The following BPIFC variants were observed in gnomAD, a reference collection of about 807,000 sequenced individuals.
BPIFC encodes BPI fold-containing family C protein.
Under a neutral mutation model 57.6 loss-of-function variants are expected in BPIFC, and 60 were observed. That is an observed-to-expected ratio of 1.04 (90% CI 0.85 to 1.29). The LOEUF is 1.29. Among genes scored for constraint, BPIFC ranks in the 50% most tolerant of loss-of-function variants. The pLI, the probability that BPIFC is intolerant of heterozygous loss-of-function variation, is 0.00. For synonymous variants in BPIFC, 243 were observed against 224.5 expected (o/e 1.08, Z -0.74); for missense variants, 581 against 600.5 (o/e 0.97, Z 0.34).
At chr22:32,431,307 A>T (rs1236819384) in intron 13 of BPIFC, 40 bp downstream of exon 13, 1 of 1,528,544 alleles carries the variant, frequency 6.5e-7, no homozygotes, top group Non-Finnish European at 9.1e-7. Context: ...TGACTCACTT[A>T]TTACTAAGGT....
intron 12 of BPIFC, among the ~76,000 whole-genome samples, chr22:32,431,795 A>G (rs1478192348): frequency 6.6e-6 from 1 of 151,638 alleles, no homozygotes; most frequent in Non-Finnish European, 1.5e-5. Context: ...ATTTAGATTA[A>G]AAAAAAAGAG....
At chr22:32,454,659 C>G (rs890222236) in intron 3 of BPIFC, among the ~76,000 whole-genome samples, 1 of 152,182 alleles carries the variant, frequency 6.6e-6, no homozygotes, top group Admixed American at 6.5e-5. Flanking sequence ...TTCCAGTTAT[C>G]CTATCCTTGT....
chr22:32,454,350 CAT>C (rs368399603), intron 3 of BPIFC, among the ~76,000 whole-genome samples: 14 of 152,296 alleles, frequency 9.2e-5, no homozygotes, highest in Middle Eastern at 3.4e-3. Context: ...GTCGTGTGTG[CAT>C]ATGTGTCTCG....
chr22:32,430,080 T>C (rs558801080), intron 13 of BPIFC, among the ~76,000 whole-genome samples: 1 of 152,298 alleles, frequency 6.6e-6, no homozygotes, highest in African/African-American at 2.4e-5. Context: ...CACTTAGTGG[T>C]CAATGATCTG....
At chr22:32,415,402 A>G (rs1019134507) in intron 16 of BPIFC, among the ~76,000 whole-genome samples, 1 of 152,234 alleles carries the variant, frequency 6.6e-6, no homozygotes, top group Admixed American at 6.5e-5. Flanking sequence ...AAAGAAAGAA[A>G]GAAAAAAAGG....
intron 13 of BPIFC, among the ~76,000 whole-genome samples, chr22:32,429,504 C>G (rs984245414): frequency 2.7e-4 from 33 of 123,442 alleles, no homozygotes; most frequent in African/African-American, 1.0e-3. Context: ...TGGCAACTGG[C>G]CTTTGTTTTT....
At chr22:32,462,274 T>G (rs1601490957) in intron 1 of BPIFC, among the ~76,000 whole-genome samples, 1 of 151,642 alleles carries the variant, frequency 6.6e-6, no homozygotes, top group African/African-American at 2.4e-5. Context: ...GACCAAAATG[T>G]CTGTACCTAT....
chr22:32,431,432 A>G lies in BPIFC; in HGVS notation c.1150-18T>C. 6.5e-7 allele frequency: 1 copy of G among 1,534,894 alleles called. No homozygotes were observed. The highest frequency in any genetic ancestry group is 9.0e-7 in the Non-Finnish European group (1 of 1,110,404). On this transcript the variant is annotated intron_variant, in intron 12 of 16. Coordinates refer to ENST00000300399, the MANE Select transcript of BPIFC (RefSeq NM_174932.3). ...CTAGCAACCTATAGACAATAAAAGC[A>G]TTTATTATTAAGACGAGTGAGTGTC...
At chr22:32,460,193 T>G (rs1163472437) in intron 2 of BPIFC, among the ~76,000 whole-genome samples, 1 of 152,208 alleles carries the variant, frequency 6.6e-6, no homozygotes, top group African/African-American at 2.4e-5. Flanking sequence ...TATCTTGGGC[T>G]TTTGTGTGAA....
rs181262454 is a variant in BPIFC, at chr22:32,429,256, G to A, written c.1217+2091C>T. ...GAGTCTCGCTCTGTCCCCCAGGCTGGAGTGCAGTGGCGCCATCTCGGCTCA... is the reference window on the plus strand; with the variant it reads ...GAGTCTCGCTCTGTCCCCCAGGCTGAAGTGCAGTGGCGCCATCTCGGCTCA... On this transcript the variant is annotated intron_variant, in intron 13 of 16. Transcript: ENST00000300399. 5.8e-3 allele frequency among the ~76,000 whole-genome samples: 879 copies of A among 151,422 alleles called. 4 individuals are homozygous for A. The highest frequency in any genetic ancestry group is 8.1e-3 in the Admixed American group (124 of 15,228).
At chr22:32,455,300 C>T (rs58145659) in intron 3 of BPIFC, among the ~76,000 whole-genome samples, 10,953 of 152,016 alleles carry the variant, frequency 0.072, 1,057 homozygotes, top group African/African-American at 0.22. Context: ...CCTCCTGCCT[C>T]GGCCTCCCAA....
rs564109275 is a variant in BPIFC at position 32,450,025 on chromosome 22, C to T, written c.246-2685G>A. Among the ~76,000 whole-genome samples, 27 of 151,952 alleles carry T rather than the reference C, an allele frequency of 1.8e-4. No homozygotes were observed. In the East Asian group the frequency reaches 2.9e-3, roughly 16 times the overall value. ...CTGGGATTACAAGCGTGAGCCATCA[C>T]GCCCAGCCGTGTACATGTACTTCTC... On this transcript the variant is annotated intron_variant, in intron 4 of 16. Coordinates refer to ENST00000300399, the MANE Select transcript of BPIFC (RefSeq NM_174932.3).
chr22:32,432,229 A>C, intron 12 of BPIFC, 144 bp downstream of exon 12: 1 of 862,796 alleles, frequency 1.2e-6, no homozygotes. Flanking sequence ...TATAGGCATG[A>C]GCCATCACGT....
intron 4 of BPIFC, among the ~76,000 whole-genome samples, chr22:32,449,308 G>A (rs1233268648): frequency 6.6e-6 from 1 of 152,198 alleles, no homozygotes; most frequent in African/African-American, 2.4e-5. Context: ...CACAGGTAGG[G>A]GCGGGGAGAC....
chr22:32,462,168 C>CAAAAAAAAAAAAAAAAA (rs35716277), intron 1 of BPIFC, among the ~76,000 whole-genome samples: 147 of 53,492 alleles, frequency 2.7e-3, no homozygotes, highest in Non-Finnish European at 3.6e-3. Flanking sequence ...GACTCCATCT[C>CAAAAAAAAAAAAAAAAA]AAAAAAAAAA....
chr22:32,414,552 C>T (rs1344566966), intron 16 of BPIFC, 127 bp from the exon 17 acceptor site: 4 of 1,209,532 alleles, frequency 3.3e-6, no homozygotes, highest in African/African-American at 1.6e-5. Flanking sequence ...CAAAGGCTGT[C>T]GCCCAGGCTG....
chr22:32,453,262 C>G, intron 4 of BPIFC, 121 bp downstream of exon 4: 2 of 731,390 alleles, frequency 2.7e-6, no homozygotes, highest in Non-Finnish European at 4.2e-6. Context: ...GAGCTAAGGA[C>G]AGCAGAACAG....
intron 8 of BPIFC, among the ~76,000 whole-genome samples, chr22:32,442,355 A>C (rs1038604673): frequency 1.3e-5 from 2 of 152,186 alleles, no homozygotes; most frequent in Non-Finnish European, 2.9e-5. Flanking sequence ...GGTCAAGATC[A>C]GTGTTAATCC....
intron 13 of BPIFC, among the ~76,000 whole-genome samples, chr22:32,429,512 T>G (rs1341732782): frequency 2.9e-5 from 3 of 102,504 alleles, no homozygotes; most frequent in East Asian, 5.0e-4. Flanking sequence ...GGCCTTTGTT[T>G]TTTTTTTTTT....
Sources: gnomAD v4.1 joint callset for allele counts (sites outside exome capture counted in the v4.1 genomes callset) on GRCh38, gnomAD v4.1.1 for gene constraint, MANE v1.5 for transcripts, NCBI Gene and HGNC (gene_info 2026-07-23, HGNC 2026-07-21) for gene names.